Variants in GPR107 observed in about 807,000 individuals in gnomAD.
GPR107 encodes the protein protein GPR107.
A neutral mutation model predicts 75.5 loss-of-function variants in GPR107; 31 were observed. That is an observed-to-expected ratio of 0.41 (90% CI 0.31 to 0.55). GPR107 has a LOEUF of 0.55. Among genes scored for constraint, GPR107 ranks in the 20% least tolerant of loss-of-function variants. The probability of loss-of-function intolerance (pLI) is 0.26; values close to 1 mark genes in which losing one functional copy is unlikely to be tolerated. For missense variants in GPR107, 572 were observed against 665.7 expected, an observed-to-expected ratio of 0.86 and a Z score of 1.55; for synonymous variants, 267 against 251.3, an observed-to-expected ratio of 1.06 and a Z score of -0.59.
chr9:130,074,620 C>T (rs1317117311), intron 1 of GPR107, among the ~76,000 whole-genome samples: 1 of 152,072 alleles, frequency 6.6e-6, no homozygotes, highest in Non-Finnish European at 1.5e-5. Context: ...GATTCAGTCT[C>T]ACCAAACCTT....
intron 1 of GPR107, among the ~76,000 whole-genome samples, chr9:130,071,334 CT>C (rs79204942): frequency 1.1e-3 from 162 of 151,054 alleles, no homozygotes; most frequent in Non-Finnish European, 2.2e-3. Flanking sequence ...GCCCCTCACC[CT>C]TTTTTTTTCT....
chr9:130,083,344 C>T (rs1479382598), intron 5 of GPR107: 8 of 353,438 alleles, frequency 2.3e-5, no homozygotes, highest in African/African-American at 6.3e-5. Context: ...TTACTATTAC[C>T]GGTTACTAGA....
Position 130,107,579 on chromosome 9 carries a change from T to C in GPR107, c.1306+40T>C, listed in dbSNP as rs766864485. ...GCTCATTTTGTGTTGCTCAGCTTGC[T>C]CTGAACCCACGTGCTGCGGCACTGC... On this transcript the variant is annotated intron_variant, in intron 14 of 17. Coordinates refer to ENST00000347136, the MANE Select transcript of GPR107 (RefSeq NM_020960.5). The C allele has an allele frequency of 5.1e-6, 7 of 1,366,124 alleles. No individual in the cohort carries two copies. In the Admixed American group the frequency reaches 8.4e-5, roughly 16 times the overall value. The allele number at this position is 1,366,124 out of a possible 1,614,324, so 84.6% of individuals were successfully genotyped here. A position where few individuals can be genotyped will look rare whatever the true frequency, so the allele number is the denominator to read the frequency against.
chr9:130,061,567 A>G (rs1271799606), intron 1 of GPR107, among the ~76,000 whole-genome samples: 2 of 152,162 alleles, frequency 1.3e-5, no homozygotes, highest in African/African-American at 4.8e-5. Context: ...ATTCTGCGTG[A>G]TGAGGAACCT....
chr9:130,055,559 G>T (rs1829760193), intron 1 of GPR107, among the ~76,000 whole-genome samples: 1 of 148,824 alleles, frequency 6.7e-6, no homozygotes, highest in Non-Finnish European at 1.5e-5. Context: ...TGGAACTGTA[G>T]AAAGTTTGTC....
rs374045061 is a variant in GPR107 at position 130,128,681 on chromosome 9, G to C, written c.1482G>C (p.Thr494=). 2.5e-6 allele frequency: 4 copies of C among 1,611,166 alleles called. No individual in the cohort carries two copies. Among genetic ancestry groups the C allele is most frequent in the Non-Finnish European group, 3.4e-6 (4 of 1,177,312 alleles). The change falls in exon 17 of 18, where the codon ACG becomes ACC. Residue 494 remains threonine (T), a synonymous_variant. Coordinates refer to ENST00000347136, the MANE Select transcript of GPR107 (RefSeq NM_020960.5). ...CCACACTGGTCTTCTTTGTTCTAAC[G>C]GGGTATAAATTCCGTCCGGCTTCAG... ...ETATLVFFVL[T]GYKFRPASDN...
intron 9 of GPR107, among the ~76,000 whole-genome samples, chr9:130,097,621 AT>A (rs1830907615): frequency 6.6e-6 from 1 of 150,546 alleles, no homozygotes; most frequent in African/African-American, 2.4e-5. Context: ...ATCTTGCTTT[AT>A]TTTGCGTTTC....
Position 130,129,062 on chromosome 9 carries a change from A to G in GPR107, c.1562+301A>G, listed in dbSNP as rs948265008. 1.8e-5 allele frequency: 4 copies of G among 218,808 alleles called. No homozygotes were observed. The South Asian group carries it at 4.1e-4, about 22-fold the overall frequency. 13.6% of individuals were successfully genotyped at this position (218,808 alleles called of 1,614,324 possible). A position where few individuals can be genotyped will look rare whatever the true frequency, so the allele number is the denominator to read the frequency against. ...ACTTAGGAATATACGTGGCCAGTTCACGAGGGAGAACAGGGGGCCGACTTT... is the reference window on the plus strand; with the variant it reads ...ACTTAGGAATATACGTGGCCAGTTCGCGAGGGAGAACAGGGGGCCGACTTT... On this transcript the variant is annotated intron_variant, in intron 17 of 17. Coordinates refer to ENST00000347136, the MANE Select transcript of GPR107 (RefSeq NM_020960.5).
chr9:130,072,316 T>C (rs1589488540), intron 1 of GPR107, among the ~76,000 whole-genome samples: 1 of 150,302 alleles, frequency 6.7e-6, no homozygotes, highest in Admixed American at 6.7e-5. Flanking sequence ...CCCCCTGGGG[T>C]TCACGCCATT....
intron 17 of GPR107, among the ~76,000 whole-genome samples, chr9:130,130,385 G>C (rs1021093589): frequency 6.6e-6 from 1 of 152,216 alleles, no homozygotes; most frequent in African/African-American, 2.4e-5. Flanking sequence ...CCTGGGCCAG[G>C]AGGTTTTCTC....
intron 4 of GPR107, 125 bp from the exon 5 acceptor site, chr9:130,079,505 A>G (rs1418696070): frequency 5.9e-6 from 4 of 682,186 alleles, no homozygotes; most frequent in African/African-American, 3.6e-5. Flanking sequence ...GAATGTGGAT[A>G]ATAGAATCTA....
intron 1 of GPR107, among the ~76,000 whole-genome samples, chr9:130,055,680 C>T (rs991198764): frequency 6.6e-6 from 1 of 152,150 alleles, no homozygotes; most frequent in Non-Finnish European, 1.5e-5. Context: ...CACGGTGGCT[C>T]ACACCTATAA....
At chr9:130,068,472 CAT>C (rs1830121301) in intron 1 of GPR107, among the ~76,000 whole-genome samples, 1 of 151,956 alleles carries the variant, frequency 6.6e-6, no homozygotes, top group East Asian at 1.9e-4. Flanking sequence ...CCATGTATAA[CAT>C]GTGGGTTAAT....
intron 14 of GPR107, among the ~76,000 whole-genome samples, chr9:130,113,743 A>G (rs565895034): frequency 6.6e-6 from 1 of 152,336 alleles, no homozygotes; most frequent in South Asian, 2.1e-4. Context: ...AGTGGAGTTT[A>G]TTAATGTAAG....
intron 1 of GPR107, among the ~76,000 whole-genome samples, chr9:130,064,626 G>A (rs990341109): frequency 5.3e-5 from 8 of 152,192 alleles, no homozygotes; most frequent in Admixed American, 2.0e-4. Context: ...TATGTGTTGG[G>A]TTGACTAGTG....
intron 1 of GPR107, among the ~76,000 whole-genome samples, chr9:130,074,396 G>T (rs1346689938): frequency 6.6e-6 from 1 of 152,276 alleles, no homozygotes; most frequent in East Asian, 1.9e-4. Context: ...TTCACACCAA[G>T]AATCAAATTG....
Position 130,066,559 on chromosome 9 carries a change from G to A in GPR107, c.142-9077G>A, listed in dbSNP as rs139384460. ...GCTGCAACTGGGCGCATGTCCATCC[G>A]TAGGTTAGCCATGTCTGTCCAGAAT... On this transcript the variant is annotated intron_variant, in intron 1 of 17. Transcript: ENST00000347136. Among the ~76,000 whole-genome samples the A allele has an allele frequency of 5.1e-4, 77 of 152,230 alleles. 1 individual carries two copies. In the East Asian group the frequency reaches 0.012, roughly 24 times the overall value.
Position 130,079,751 on chromosome 9 carries a change from C to G in GPR107, c.508C>G (p.Gln170Glu). 6 of 1,611,622 alleles carry G rather than the reference C, an allele frequency of 3.7e-6. No homozygotes were observed. The highest frequency in any genetic ancestry group is 5.1e-6 in the Non-Finnish European group (6 of 1,178,496). ...TGTTAACCCTGCTTCAGCAGGCAACCAGACCCAGAAGACACAAGGTAAACC... is the reference window on the plus strand; with the variant it reads ...TGTTAACCCTGCTTCAGCAGGCAACGAGACCCAGAAGACACAAGGTAAACC... ...PNVNPASAGN[Q>E]TQKTQDGGKS... The change falls in exon 5 of 18, where the codon CAG becomes GAG. Residue 170 changes from glutamine to glutamate, a missense_variant. Coordinates refer to ENST00000347136, the MANE Select transcript of GPR107 (RefSeq NM_020960.5).
chr9:130,100,536 T>A, intron 10 of GPR107, 93 bp from the exon 11 acceptor site: 2 of 930,528 alleles, frequency 2.1e-6, no homozygotes, highest in South Asian at 2.6e-5. Flanking sequence ...TGACAATGAT[T>A]TGGATAATTT....
Sources: gnomAD v4.1 joint callset for allele counts (sites outside exome capture counted in the v4.1 genomes callset) on GRCh38, gnomAD v4.1.1 for gene constraint, MANE v1.5 for transcripts, NCBI Gene and HGNC (gene_info 2026-07-23, HGNC 2026-07-21) for gene names.